BAZ2B: variants seen among roughly 807,000 people sequenced by gnomAD.
The protein encoded by BAZ2B is bromodomain adjacent to zinc finger domain protein 2B.
In BAZ2B, 91 loss-of-function variants were observed where a neutral mutation model predicts 246.0. The ratio of observed to expected loss-of-function variants is 0.37; its 90% confidence interval spans 0.31 to 0.44. The LOEUF (loss-of-function observed/expected upper bound fraction) is 0.44. Ranked by LOEUF, BAZ2B falls within the 20% of genes least tolerant of loss-of-function variation. The probability of loss-of-function intolerance (pLI) is 1.00; values close to 1 mark genes in which losing one functional copy is unlikely to be tolerated. For missense variants in BAZ2B, 2,332 were observed against 2,533.7 expected (o/e 0.92, Z 1.71); for synonymous variants, 855 against 860.0 (o/e 0.99, Z 0.10).
At chr2:159,494,785 G>A (rs1383510210) in intron 2 of BAZ2B, among the ~76,000 whole-genome samples, 1 of 152,188 alleles carries the variant, frequency 6.6e-6, no homozygotes, top group Non-Finnish European at 1.5e-5. Flanking sequence ...GAAAACATCT[G>A]ATGTTCAACC....
At chr2:159,629,699 A>G in the BAZ2B span, among the ~76,000 whole-genome samples, 1 of 152,334 alleles carries the variant, frequency 6.6e-6, no homozygotes, top group South Asian at 2.1e-4. Context: ...GGGGAGGGAT[A>G]GCATTAGGAG....
At chr2:159,334,578 A>G (rs1303593427) in intron 33 of BAZ2B, among the ~76,000 whole-genome samples, 1 of 152,246 alleles carries the variant, frequency 6.6e-6, no homozygotes, top group African/African-American at 2.4e-5. Flanking sequence ...TTGAATATGA[A>G]ACACTGCCTT....
At chr2:159,645,306 T>A in the BAZ2B span, among the ~76,000 whole-genome samples, 1 of 151,878 alleles carries the variant, frequency 6.6e-6, no homozygotes, top group African/African-American at 2.4e-5. Flanking sequence ...TCACCTCTGC[T>A]AAATACCCAA....
chr2:159,697,138 G>A, the BAZ2B span, among the ~76,000 whole-genome samples: 1 of 152,134 alleles, frequency 6.6e-6, no homozygotes, highest in Non-Finnish European at 1.5e-5. Context: ...GAGGATGTGT[G>A]AGGATTTTCA....
intron 2 of BAZ2B, among the ~76,000 whole-genome samples, chr2:159,542,837 C>G (rs780668372): frequency 3.3e-5 from 5 of 151,848 alleles, no homozygotes; most frequent in South Asian, 2.1e-4. Flanking sequence ...TAAGACCTTC[C>G]CAGGAAAATG....
the BAZ2B span, among the ~76,000 whole-genome samples, chr2:159,640,489 A>G: frequency 6.6e-6 from 1 of 152,170 alleles, no homozygotes; most frequent in African/African-American, 2.4e-5. Flanking sequence ...AAAACCTGAA[A>G]TAGTATCAAA....
At chr2:159,706,285 T>C in the BAZ2B span, among the ~76,000 whole-genome samples, 1 of 152,074 alleles carries the variant, frequency 6.6e-6, no homozygotes, top group Non-Finnish European at 1.5e-5. Context: ...AGGACTACAC[T>C]AAAATAGTAG....
intron 1 of BAZ2B, among the ~76,000 whole-genome samples, chr2:159,609,632 C>T (rs1250185915): frequency 6.6e-6 from 1 of 151,978 alleles, no homozygotes; most frequent in African/African-American, 2.4e-5. Flanking sequence ...TGATTCTGGC[C>T]GTGACAGGTA....
chr2:159,342,564 G>T (rs2066916796), intron 31 of BAZ2B, among the ~76,000 whole-genome samples: 1 of 152,174 alleles, frequency 6.6e-6, no homozygotes, highest in Non-Finnish European at 1.5e-5. Flanking sequence ...GGGATTACAG[G>T]CATGAGCCAC....
At chr2:159,474,141 A>G (rs1280261241) in intron 3 of BAZ2B, among the ~76,000 whole-genome samples, 1 of 151,666 alleles carries the variant, frequency 6.6e-6, no homozygotes, top group African/African-American at 2.4e-5. Flanking sequence ...TTGGTGATCT[A>G]ATATTGGAAG....
intron 14 of BAZ2B, among the ~76,000 whole-genome samples, chr2:159,405,359 G>GCGC (rs1277980243): frequency 6.6e-6 from 1 of 152,076 alleles, no homozygotes; most frequent in Non-Finnish European, 1.5e-5. Flanking sequence ...TTACAGGCGT[G>GCGC]CGCCACCACA....
chr2:159,478,617 A>C lies in BAZ2B; in HGVS notation c.103T>G (p.Ser35Ala). 1 of 1,611,954 alleles carries C rather than the reference A, an allele frequency of 6.2e-7. No individual in the cohort carries two copies. The highest frequency in any genetic ancestry group is 1.1e-5 in the South Asian group (1 of 90,840). ...VASVVSKGGL[S>A]TGVASLSSTI... ...GAGCTAAGTGAAGCAACTCCAGTGG[A>C]AAGGCCACCTTTTGAAACTACTGAA... Residue 35 changes from serine (S) to alanine (A), a missense_variant, in exon 3 of 37, where the codon TCC becomes GCC. By Grantham distance (99) the Ser-to-Ala change is moderately conservative. Around this residue, in one of 9 missense-constraint regions of BAZ2B, gnomAD observed 242 missense variants for 237.4 expected, o/e 1.02. Coordinates refer to ENST00000392783, the MANE Select transcript of BAZ2B (RefSeq NM_013450.4).
At chr2:159,609,879 T>C (rs193189421) in intron 1 of BAZ2B, among the ~76,000 whole-genome samples, 8 of 152,152 alleles carry the variant, frequency 5.3e-5, no homozygotes, top group Admixed American at 2.0e-4. Flanking sequence ...CAAATGACTA[T>C]GTGCTTGCTG....
the BAZ2B span, among the ~76,000 whole-genome samples, chr2:159,669,603 T>C: frequency 6.6e-6 from 1 of 152,180 alleles, no homozygotes; most frequent in Non-Finnish European, 1.5e-5. Flanking sequence ...GTGATTACAT[T>C]TTCTCAGATT....
At chr2:159,570,130 C>A (rs1355691052) in intron 1 of BAZ2B, among the ~76,000 whole-genome samples, 2 of 151,478 alleles carry the variant, frequency 1.3e-5, no homozygotes, top group Non-Finnish European at 2.9e-5. Flanking sequence ...AATGTTCTTA[C>A]TTAGAAACCA....
chr2:159,382,715 T>C lies in BAZ2B; in HGVS notation c.3849A>G (p.Thr1283=). 2 of 1,613,620 alleles carry C rather than the reference T, an allele frequency of 1.2e-6. No individual in the cohort carries two copies. The highest frequency in any genetic ancestry group is 8.5e-7 in the Non-Finnish European group (1 of 1,179,834). Residue 1283 remains threonine (T), a synonymous_variant, in exon 25 of 37, where the codon ACA becomes ACG. Transcript: ENST00000392783. ...DLGEEQHPLG[T]PTPGRKRRRK... Reference sequence around the variant, plus strand: ...TTCTTCGCTTGCGTCCTGGAGTGGGTGTGCCCAAGGGATGCTGCTCTTCTC... The same window carrying C: ...TTCTTCGCTTGCGTCCTGGAGTGGGCGTGCCCAAGGGATGCTGCTCTTCTC...
In BAZ2B at chr2:159,496,322, G is replaced by A. The variant is rs1463190620; in HGVS notation, c.-2-17601C>T. Reference sequence around the variant, plus strand: ...ACCCAGGAGGCGGAGGTTGCAGTAAGCCAAGATTGCACCACTGCACTCTCC... The same window carrying A: ...ACCCAGGAGGCGGAGGTTGCAGTAAACCAAGATTGCACCACTGCACTCTCC... On this transcript the variant is annotated intron_variant, in intron 2 of 36. Coordinates refer to ENST00000392783, the MANE Select transcript of BAZ2B (RefSeq NM_013450.4). Among the ~76,000 whole-genome samples the A allele has an allele frequency of 5.1e-5, 7 of 136,446 alleles. No homozygotes were observed. The East Asian group carries it at 1.5e-3, about 30-fold the overall frequency. The allele number at this position is 136,446 out of a possible 152,430, so 89.5% of individuals were successfully genotyped here. A position where few individuals can be genotyped will look rare whatever the true frequency, so the allele number is the denominator to read the frequency against.
chr2:159,682,273 T>C, the BAZ2B span, among the ~76,000 whole-genome samples: 11 of 150,706 alleles, frequency 7.3e-5, no homozygotes, highest in African/African-American at 2.4e-4. Flanking sequence ...CCTCCATCTC[T>C]GGGGTCAAAC....
intron 3 of BAZ2B, among the ~76,000 whole-genome samples, chr2:159,456,210 A>T (rs1230521461): frequency 6.6e-6 from 1 of 152,088 alleles, no homozygotes; most frequent in Non-Finnish European, 1.5e-5. Context: ...ACTGATAGAA[A>T]CACTTCTGCA....
Sources: gnomAD v4.1 joint callset for allele counts (sites outside exome capture counted in the v4.1 genomes callset) on GRCh38, gnomAD v4.1.1 for gene constraint, gnomAD v4.1.1 regional missense constraint, MANE v1.5 for transcripts, NCBI Gene and HGNC (gene_info 2026-07-23, HGNC 2026-07-21) for gene names.